The following NUP155 variants were observed in gnomAD, a reference collection of about 807,000 sequenced individuals.
The protein encoded by NUP155 is nuclear pore complex protein Nup155.
NUP155 carries 71 observed loss-of-function variants against 180.4 expected under a neutral mutation model. The ratio of observed to expected loss-of-function variants is 0.39; its 90% CI spans 0.33 to 0.48. The LOEUF is 0.48. Among genes scored for constraint, NUP155 ranks in the 20% least tolerant of loss-of-function variants. The pLI, the probability that NUP155 is intolerant of heterozygous loss-of-function variation, is 0.91. For missense variants in NUP155, 1,553 were observed against 1,648.9 expected, an observed-to-expected ratio of 0.94 and a Z score of 1.01; for synonymous variants, 582 against 559.5, an observed-to-expected ratio of 1.04 and a Z score of -0.57.
Position 37,299,494 on chromosome 5 carries a change from T to C in NUP155, c.3636A>G (p.Ser1212=). The change falls in exon 31 of 35, where the codon TCA becomes TCG. Residue 1212 remains serine (S), a synonymous_variant. Coordinates refer to ENST00000231498, the MANE Select transcript of NUP155 (RefSeq NM_153485.3). ...AAAGTGTCTGCACCAATATAGGGTC[T>C]GAATAACCGGCACAATGAATTATTG... ...KLAIIHCAGY[S]DPILVQTLWQ... The C allele has an allele frequency of 6.2e-7, 1 of 1,614,080 alleles. No homozygotes were observed.
chr5:37,347,707 A>AG, intron 9 of NUP155, among the ~76,000 whole-genome samples: 1 of 143,078 alleles, frequency 7.0e-6, no homozygotes. Context: ...AAAAAAAAAA[A>AG]AAAAAAAGTC....
chr5:37,370,796 A>G (rs1747912141), intron 1 of NUP155, 25 bp downstream of exon 1: 2 of 1,614,114 alleles, frequency 1.2e-6, no homozygotes, highest in South Asian at 1.1e-5. Flanking sequence ...CTTTAGGTTG[A>G]GAAAGCAGGG....
At chr5:37,340,976 G>A (rs1003910421) in intron 11 of NUP155, 114 bp downstream of exon 11, 79 of 886,890 alleles carry the variant, frequency 8.9e-5, no homozygotes, top group Non-Finnish European at 1.2e-4. Flanking sequence ...GACCCTTCTA[G>A]TAGTTCCCAG....
chr5:37,318,506 ATGTCCC>A lies in NUP155; in HGVS notation c.2208-427_2208-422del, dbSNP rs1274952737. On this transcript the variant is annotated intron_variant, in intron 20 of 34. Coordinates refer to ENST00000231498, the MANE Select transcript of NUP155 (RefSeq NM_153485.3). Reference sequence around the variant, plus strand: ...ATAAAAAAAAAAACTAACATCTGAAATGTCCCCAAATCTGAAACGTTTTGCACATCA... The same window carrying A: ...ATAAAAAAAAAAACTAACATCTGAAACAAATCTGAAACGTTTTGCACATCA... Among the ~76,000 whole-genome samples, 1,054 of 138,934 alleles carry A rather than the reference ATGTCCC, an allele frequency of 7.6e-3. 10 individuals carry two copies. The highest frequency in any genetic ancestry group is 0.026 in the African/African-American group (990 of 38,020). 91.1% of individuals were successfully genotyped at this position (138,934 alleles called of 152,430 possible).
At position 37,351,329 on chromosome 5, in the gene NUP155, G is replaced by A. The variant is rs201784029; in HGVS notation, c.584C>T (p.Ser195Phe). The change falls in exon 6 of 35, where the codon TCT (serine) becomes TTT (phenylalanine). Residue 195 changes from serine (S) to phenylalanine (F), a missense_variant. Physicochemically the swap from Ser to Phe is radical, Grantham distance 155 (BLOSUM62 -2). Transcript: ENST00000231498. ...TGSGVLNDSLSGGMQLLPDPL... is the reference protein window; with the variant it reads ...TGSGVLNDSLFGGMQLLPDPL... ...ATCTGGAAGCAACTGCATTCCACCA[G>A]ACAAACTATCATTAAGAACTCCAGA... The A allele has an allele frequency of 2.5e-6, 4 of 1,612,266 alleles. No individual in the cohort carries two copies. The Admixed American group carries it at 6.7e-5, about 27-fold the overall frequency.
chr5:37,305,286 C>T, intron 25 of NUP155, 76 bp from the exon 26 acceptor site: 1 of 1,312,966 alleles, frequency 7.6e-7, no homozygotes, highest in Non-Finnish European at 1.1e-6. Flanking sequence ...TGACTCACGC[C>T]TGTAATGCCA....
chr5:37,295,693 C>T (rs2150936545), intron 32 of NUP155, among the ~76,000 whole-genome samples: 2 of 151,008 alleles, frequency 1.3e-5, no homozygotes, highest in South Asian at 4.2e-4. Flanking sequence ...GCGCCTCTGC[C>T]CTGTCGCCCC....
chr5:37,314,100 A>G (rs1743707872), intron 22 of NUP155, 98 bp downstream of exon 22: 5 of 850,834 alleles, frequency 5.9e-6, no homozygotes, highest in South Asian at 1.6e-5. Flanking sequence ...CATAACTTAA[A>G]TGCTTCCCAA....
At chr5:37,327,601 A>G (rs202044989) in intron 18 of NUP155, 28 bp downstream of exon 18, 228 of 1,612,726 alleles carry the variant, frequency 1.4e-4, no homozygotes, top group Admixed American at 2.2e-4. Flanking sequence ...AAGGTGAGCA[A>G]TAATTCATTA....
intron 21 of NUP155, among the ~76,000 whole-genome samples, chr5:37,316,114 G>A: frequency 6.6e-6 from 1 of 152,160 alleles, no homozygotes; most frequent in East Asian, 1.9e-4. Flanking sequence ...GTTCACCCAT[G>A]TTAATAGCAG....
chr5:37,341,315 T>A, intron 10 of NUP155, 73 bp from the exon 11 acceptor site: 3 of 1,229,942 alleles, frequency 2.4e-6, no homozygotes, highest in Non-Finnish European at 3.6e-6. Context: ...TTGAAGCAAT[T>A]ACATACAGCA....
chr5:37,349,251 A>G lies in NUP155; in HGVS notation c.830-6T>C. ...TGCAATTTGAAGAATAGGATCTAAA[A>G]GTAAGACAAAAAAAAAAAAGAGAAA... is the stretch of plus-strand genomic sequence containing the variant. On this transcript the variant is annotated splice_polypyrimidine_tract_variant and splice_region_variant and intron_variant, in intron 7 of 34. Transcript: ENST00000231498. The G allele has an allele frequency of 1.2e-6, 1 of 812,212 alleles. No homozygotes were observed. The highest frequency in any genetic ancestry group is 3.0e-5 in the Admixed American group (1 of 33,064). The allele number at this position is 812,212 out of a possible 1,614,324, so 50.3% of individuals were successfully genotyped here. A position where few individuals can be genotyped will look rare whatever the true frequency, so the allele number is the denominator to read the frequency against.
At position 37,331,097 on chromosome 5, in the gene NUP155, C is replaced by T. The variant is rs933025069; in HGVS notation, c.1629+588G>A. On this transcript the variant is annotated intron_variant, in intron 14 of 34. Coordinates refer to ENST00000231498, the MANE Select transcript of NUP155 (RefSeq NM_153485.3). ...CTGGGAGGTGGAGCTTAGAGTGAGC[C>T]GAGATCACGCCACTGCACTCTAGCC... Among the ~76,000 whole-genome samples, 5 of 150,860 alleles carry T rather than the reference C, an allele frequency of 3.3e-5. No individual in the cohort carries two copies. In the East Asian group the frequency reaches 5.8e-4, roughly 18 times the overall value.
At position 37,341,150 on chromosome 5, in the gene NUP155, A is replaced by G. The variant is rs1217264438; in HGVS notation, c.1186T>C (p.Phe396Leu). 1.9e-6 allele frequency: 3 copies of G among 1,613,900 alleles called. No homozygotes were observed. Among genetic ancestry groups the G allele is most frequent in the Non-Finnish European group, 2.5e-6 (3 of 1,179,870 alleles). Residue 396 changes from phenylalanine to leucine, a missense_variant, in exon 11 of 35, where the codon TTC becomes CTC. Coordinates refer to ENST00000231498, the MANE Select transcript of NUP155 (RefSeq NM_153485.3). ...TTTTCCACGGTTGAAGATGCTGAGAATCCAGGAGGTAAGCGGACATGAACC... is the reference window on the plus strand; with the variant it reads ...TTTTCCACGGTTGAAGATGCTGAGAGTCCAGGAGGTAAGCGGACATGAACC... ...TLVHVRLPPG[F>L]SASSTVEKPS...
chr5:37,358,049 C>T (rs1318695927), intron 4 of NUP155, 32 bp downstream of exon 4: 2 of 1,474,084 alleles, frequency 1.4e-6, no homozygotes, highest in East Asian at 2.3e-5. Flanking sequence ...CATATACAAA[C>T]ATAATCTCTT....
At chr5:37,309,924 T>G (rs564391624) in intron 23 of NUP155, among the ~76,000 whole-genome samples, 1 of 152,118 alleles carries the variant, frequency 6.6e-6, no homozygotes, top group African/African-American at 2.4e-5. Flanking sequence ...GGTGCACACC[T>G]GTAATCCCAG....
In NUP155 at chr5:37,298,910, G is replaced by A. The variant is rs764584056; in HGVS notation, c.3751C>T (p.Leu1251Phe). The A allele has an allele frequency of 6.2e-7, 1 of 1,613,270 alleles. No homozygotes were observed. The highest frequency in any genetic ancestry group is 8.5e-7 in the Non-Finnish European group (1 of 1,179,272). The change falls in exon 32 of 35, where the codon CTT (leucine) becomes TTT (phenylalanine). Residue 1251 changes from leucine (L) to phenylalanine (F), a missense_variant. Leu to Phe is a conservative substitution (Grantham distance 22). Transcript: ENST00000231498. ...MHALSLKIVL[L>F]GKIYAGTPRF... is the part of the protein sequence containing the mutation. ...GGTGTGCCAGCATAAATTTTGCCAA[G>A]GAGAACAATCTTGAGACTAAGAGCA...
Position 37,337,851 on chromosome 5 carries a change from A to G in NUP155, c.1314T>C (p.Thr438=), listed in dbSNP as rs763714185. ...CCATCATTGGCTTTTGGAAAGGAAA[A>G]GTATCATGGTTGACACACCATAAAA... The part of the protein sequence containing the change: ...NDILWCVNHD[T]FPFQKPMMET... The change falls in exon 12 of 35, where the codon ACT becomes ACC. Residue 438 remains threonine (T), a synonymous_variant. Transcript: ENST00000231498. The G allele has an allele frequency of 1.2e-6, 2 of 1,612,362 alleles. No individual in the cohort carries two copies. Among genetic ancestry groups the G allele is most frequent in the South Asian group, 1.1e-5 (1 of 90,768 alleles).
chr5:37,362,861 TA>T (rs895480316), intron 3 of NUP155, among the ~76,000 whole-genome samples: 4 of 152,168 alleles, frequency 2.6e-5, no homozygotes, highest in African/African-American at 9.7e-5. Flanking sequence ...TCGTTTAAGC[TA>T]TAGGTGTTAA....
Sources: gnomAD v4.1 joint callset for allele counts (sites outside exome capture counted in the v4.1 genomes callset) on GRCh38, gnomAD v4.1.1 for gene constraint, MANE v1.5 for transcripts, NCBI Gene and HGNC (gene_info 2026-07-23, HGNC 2026-07-21) for gene names.